SNTG2: variants seen among roughly 807,000 people sequenced by gnomAD.
SNTG2 encodes the protein gamma-2-syntrophin.
In SNTG2, 74 loss-of-function variants were observed where a neutral mutation model predicts 70.9. The observed-to-expected ratio is 1.04, with a 90% confidence interval of 0.86 to 1.27. The LOEUF is 1.27. SNTG2 is among the 50% of genes most tolerant of loss of function. The pLI is 0.00. For missense variants in SNTG2, 717 were observed against 690.7 expected, an observed-to-expected ratio of 1.04 and a Z score of -0.43; for synonymous variants, 278 against 273.8, an observed-to-expected ratio of 1.02 and a Z score of -0.15.
At chr2:1,113,155 G>C (rs113599710) in intron 4 of SNTG2, among the ~76,000 whole-genome samples, 3 of 21,762 alleles carry the variant, frequency 1.4e-4, no homozygotes, top group African/African-American at 6.4e-4. Flanking sequence ...GAGGAGGATC[G>C]TGGGTACTAA....
intron 1 of SNTG2, among the ~76,000 whole-genome samples, chr2:1,040,067 G>T (rs761145260): frequency 5.9e-5 from 9 of 152,142 alleles, no homozygotes; most frequent in Non-Finnish European, 1.2e-4. Context: ...GGCCTGTGCG[G>T]GTCACATGAA....
intron 2 of SNTG2, among the ~76,000 whole-genome samples, chr2:1,090,545 A>G (rs1225004960): frequency 6.6e-6 from 1 of 152,192 alleles, no homozygotes; most frequent in Non-Finnish European, 1.5e-5. Flanking sequence ...GTTTTAGAGC[A>G]GGAATGAAAG....
intron 11 of SNTG2, among the ~76,000 whole-genome samples, chr2:1,244,485 A>G (rs1008141849): frequency 1.3e-5 from 2 of 152,054 alleles, no homozygotes; most frequent in Non-Finnish European, 2.9e-5. Flanking sequence ...TCACGAGGGC[A>G]GGAGATTGAG....
rs574148775 is a variant in SNTG2, at chr2:1,175,672, C to T, written c.591+2489C>T. On this transcript the variant is annotated intron_variant, in intron 8 of 16. Coordinates refer to ENST00000308624, the MANE Select transcript of SNTG2 (RefSeq NM_018968.4). ...AAGAGGATTGTACAATTCCATTTGT[C>T]TGCAACACCCTGTCCCCCAAGCCAG... Among the ~76,000 whole-genome samples, 4 of 152,252 alleles carry T rather than the reference C, an allele frequency of 2.6e-5. No homozygotes were observed. The South Asian group carries it at 6.2e-4, about 24-fold the overall frequency.
intron 1 of SNTG2, among the ~76,000 whole-genome samples, chr2:1,033,215 C>T (rs7581262): frequency 0.44 from 66,517 of 152,022 alleles, 15,661 homozygotes; most frequent in African/African-American, 0.61. Context: ...GTTGGTACTG[C>T]AGCCTCAGGC....
Position 951,016 on chromosome 2 carries a change from C to A in SNTG2, c.20C>A (p.Pro7Gln). 1 of 1,264,064 alleles carries A rather than the reference C, an allele frequency of 7.9e-7. No homozygotes were observed. Among genetic ancestry groups the A allele is most frequent in the Middle Eastern group, 3.0e-4 (1 of 3,286 alleles). 78.3% of individuals were successfully genotyped at this position (1,264,064 alleles called of 1,614,324 possible). ...GCGGCGATGGGCACCGAGGGACCCC[C>A]GCCCCCGGCCGCCTCCCGCGGACGC... The part of the protein sequence containing the change: MGTEGP[P>Q]PPAASRGRQG... Residue 7 changes from proline to glutamine, a missense_variant, in exon 1 of 17, where the codon CCG becomes CAG. Coordinates refer to ENST00000308624, the MANE Select transcript of SNTG2 (RefSeq NM_018968.4).
At chr2:1,339,924 A>G (rs1659998569) in intron 16 of SNTG2, among the ~76,000 whole-genome samples, 1 of 152,194 alleles carries the variant, frequency 6.6e-6, no homozygotes. Context: ...TGCAGACTAG[A>G]AACTGCTTAA....
intron 1 of SNTG2, among the ~76,000 whole-genome samples, chr2:1,027,248 C>CT (rs1439050922): frequency 6.6e-6 from 1 of 152,188 alleles, no homozygotes; most frequent in African/African-American, 2.4e-5. Flanking sequence ...TCATGCATCT[C>CT]TGTTGAGTAA....
chr2:1,040,291 G>T (rs1365518552), intron 1 of SNTG2, among the ~76,000 whole-genome samples: 4 of 152,190 alleles, frequency 2.6e-5, no homozygotes, highest in African/African-American at 9.7e-5. Flanking sequence ...AGCTTCCCAG[G>T]CCATTCCACT....
rs369769588 is a variant in SNTG2 at position 1,155,416 on chromosome 2, A to G, written c.412-10132A>G. On this transcript the variant is annotated intron_variant, in intron 6 of 16. Transcript: ENST00000308624. ...ACACCACATATACATGCCCCACATC[A>G]CACACACGTGTACACACACCACATA... Among the ~76,000 whole-genome samples, 17 of 152,066 alleles carry G rather than the reference A, an allele frequency of 1.1e-4. No homozygotes were observed. In the South Asian group the frequency reaches 3.3e-3, roughly 30 times the overall value.
chr2:1,205,544 C>G (rs922955535), intron 8 of SNTG2, among the ~76,000 whole-genome samples: 6 of 152,292 alleles, frequency 3.9e-5, no homozygotes, highest in African/African-American at 1.4e-4. Flanking sequence ...AATAACCTCA[C>G]AAGTTCCTTC....
chr2:1,310,259 A>G (rs1355683294), intron 15 of SNTG2, among the ~76,000 whole-genome samples: 1 of 152,114 alleles, frequency 6.6e-6, no homozygotes, highest in Non-Finnish European at 1.5e-5. Flanking sequence ...ACGCTGGCCC[A>G]CCGGCCCCAT....
Position 1,247,328 on chromosome 2 carries a change from T to C in SNTG2, c.890T>C (p.Val297Ala), listed in dbSNP as rs745955066. 6.2e-7 allele frequency: 1 copy of C among 1,604,822 alleles called. No homozygotes were observed. The change falls in exon 12 of 17, where the codon GTT becomes GCT. Residue 297 changes from valine to alanine, a missense_variant and splice_region_variant. Transcript: ENST00000308624. ...TTTGTAATTTTCACCCCTCTGCAGG[T>C]TGTGCATATGGGGTGGGTAAATGAG... ...ANKCCSPSDQ[V>A]VHMGWVNEKL...
At chr2:1,004,683 C>A (rs956571348) in intron 1 of SNTG2, among the ~76,000 whole-genome samples, 14 of 152,136 alleles carry the variant, frequency 9.2e-5, no homozygotes, top group Non-Finnish European at 1.8e-4. Flanking sequence ...GGATGTGGAG[C>A]GATGGGGACT....
chr2:1,125,978 A>G (rs1319423217), intron 4 of SNTG2, among the ~76,000 whole-genome samples: 1 of 152,140 alleles, frequency 6.6e-6, no homozygotes, highest in African/African-American at 2.4e-5. Flanking sequence ...TCCAACATTT[A>G]TTATTTCTTT....
intron 14 of SNTG2, among the ~76,000 whole-genome samples, chr2:1,305,644 T>TA (rs1452100736): frequency 6.6e-6 from 1 of 152,238 alleles, no homozygotes. Flanking sequence ...CAGATTTTTT[T>TA]AAAAAATTCC....
At chr2:1,035,779 T>C (rs1421257582) in intron 1 of SNTG2, among the ~76,000 whole-genome samples, 1 of 152,240 alleles carries the variant, frequency 6.6e-6, no homozygotes, top group Non-Finnish European at 1.5e-5. Flanking sequence ...AACTCTTGTA[T>C]ATTTGCATTT....
chr2:1,086,314 C>T (rs1156526395), intron 2 of SNTG2, among the ~76,000 whole-genome samples: 1 of 152,198 alleles, frequency 6.6e-6, no homozygotes, highest in Admixed American at 6.5e-5. Flanking sequence ...CGCTCTCTCG[C>T]TCTCTCTGTC....
chr2:1,364,039 C>T (rs73180206), intron 16 of SNTG2, among the ~76,000 whole-genome samples: 64,854 of 151,990 alleles, frequency 0.43, 13,949 homozygotes, highest in Middle Eastern at 0.49. Flanking sequence ...GGCACAATCT[C>T]GGCTCACTGC....
Sources: allele counts gnomAD v4.1 joint callset (sites outside exome capture counted in the v4.1 genomes callset), GRCh38; gene constraint gnomAD v4.1.1; transcripts MANE v1.5; gene names NCBI Gene and HGNC (gene_info 2026-07-23, HGNC 2026-07-21).